MYF5: variants seen among roughly 807,000 people sequenced by gnomAD.
MYF5 encodes class C basic helix-loop-helix protein 2.
A neutral mutation model predicts 22.3 loss-of-function variants in MYF5; 20 were observed. That is an observed-to-expected ratio of 0.90 (90% confidence interval 0.63 to 1.30). The LOEUF (loss-of-function observed/expected upper bound fraction) is 1.30. Ranked by LOEUF, MYF5 falls within the 50% of genes most tolerant of loss-of-function variation. MYF5 has a pLI of 0.00. For synonymous variants in MYF5, 141 were observed against 128.4 expected, an observed-to-expected ratio of 1.10 and a Z score of -0.66; for missense variants, 348 against 325.9, an observed-to-expected ratio of 1.07 and a Z score of -0.52.
At chr12:80,718,056 C>A (rs1404200202) in intron 1 of MYF5, among the ~76,000 whole-genome samples, 4 of 152,170 alleles carry the variant, frequency 2.6e-5, no homozygotes, top group African/African-American at 9.7e-5. Flanking sequence ...GGAAAGTGTT[C>A]TTTCCCTGAA....
rs371077521 is a variant in MYF5 at position 80,717,503 on chromosome 12, G to A, written c.440G>A (p.Ser147Asn). The A allele has an allele frequency of 2.5e-6, 4 of 1,613,980 alleles. No homozygotes were observed. The African/African-American group carries it at 4.0e-5, about 16-fold the overall frequency. The change falls in exon 1 of 3, where the codon AGC becomes AAC. Residue 147 changes from serine (S) to asparagine (N), a missense_variant. Transcript: ENST00000228644. ...LLREQVENYY[S>N]LPGQSCSEPT... ...AGAGAGCAGGTGGAGAACTACTATAGCCTGCCGGGACAGAGCTGCTCGGAG... is the reference window on the plus strand; with the variant it reads ...AGAGAGCAGGTGGAGAACTACTATAACCTGCCGGGACAGAGCTGCTCGGAG...
chr12:80,718,217 T>G (rs1398134890), intron 1 of MYF5, 141 bp from the exon 2 acceptor site: 2 of 742,304 alleles, frequency 2.7e-6, no homozygotes, highest in Non-Finnish European at 4.9e-6. Flanking sequence ...TGGAGAGGGC[T>G]AGCCCTTCCT....
Position 80,718,447 on chromosome 12 carries a change from A to T in MYF5, c.577+14A>T. The T allele has an allele frequency of 6.3e-7, 1 of 1,592,510 alleles. No homozygotes were observed. Reference sequence around the variant, plus strand: ...ATGTATCAAATGGTAAGAATTGATAACTTCACAGGAGTTTAAAGACCAGTT... The same window carrying T: ...ATGTATCAAATGGTAAGAATTGATATCTTCACAGGAGTTTAAAGACCAGTT... On this transcript the variant is annotated intron_variant, in intron 2 of 2. Transcript: ENST00000228644.
chr12:80,717,212 A>G lies in MYF5; in HGVS notation c.149A>G (p.Asp50Gly). ...GAHKAELQGS[D>G]EDEHVRAPTG... ...CACAAAGCAGAGCTGCAGGGCTCAG[A>G]TGAGGACGAGCACGTGCGAGCGCCT... is the stretch of plus-strand genomic sequence containing the variant. The change falls in exon 1 of 3, where the codon GAT becomes GGT. Residue 50 changes from aspartate to glycine, a missense_variant. By Grantham distance (94) the Asp-to-Gly change is moderately conservative. Transcript: ENST00000228644. 6.2e-7 allele frequency: 1 copy of G among 1,614,068 alleles called. No homozygotes were observed. The highest frequency in any genetic ancestry group is 8.5e-7 in the Non-Finnish European group (1 of 1,180,020).
chr12:80,718,774 G>A, intron 2 of MYF5, 87 bp from the exon 3 acceptor site: 1 of 1,166,212 alleles, frequency 8.6e-7, no homozygotes, highest in Non-Finnish European at 1.2e-6. Flanking sequence ...TGTCAGAGGA[G>A]CTGACCTACA....
intron 2 of MYF5, among the ~76,000 whole-genome samples, 185 bp downstream of exon 2, chr12:80,718,618 C>T (rs1429310509): frequency 2.6e-5 from 4 of 152,128 alleles, no homozygotes; most frequent in Non-Finnish European, 5.9e-5. Context: ...GACACGCACG[C>T]ACACATGCAT....
At position 80,716,979 on chromosome 12, in the gene MYF5, T is replaced by C; in HGVS notation, c.-85T>C. 6.7e-7 allele frequency: 1 copy of C among 1,499,934 alleles called. No homozygotes were observed. Among genetic ancestry groups the C allele is most frequent in the East Asian group, 2.3e-5 (1 of 43,988 alleles). 92.9% of individuals were successfully genotyped at this position (1,499,934 alleles called of 1,614,324 possible). On this transcript the variant is annotated 5_prime_UTR_variant, in exon 1 of 3. Coordinates refer to ENST00000228644, the MANE Select transcript of MYF5 (RefSeq NM_005593.3). The stretch of plus-strand genomic sequence containing the variant: ...ACAGACTAGGGAGCTCCGCCCGGGA[T>C]TTGCCCATCGGCGGAGGCGCCAGGC...
chr12:80,718,553 G>C, intron 2 of MYF5, 120 bp downstream of exon 2: 1 of 953,602 alleles, frequency 1.0e-6, no homozygotes, highest in Non-Finnish European at 1.6e-6. Context: ...GGTTCTTATA[G>C]GGAGGCTTTG....
Position 80,717,194 on chromosome 12 carries a change from C to T in MYF5, c.131C>T (p.Ala44Val). The T allele has an allele frequency of 6.2e-7, 1 of 1,614,082 alleles. No individual in the cohort carries two copies. The highest frequency in any genetic ancestry group is 8.5e-7 in the Non-Finnish European group (1 of 1,180,036). Residue 44 changes from alanine to valine, a missense_variant, in exon 1 of 3, where the codon GCA (alanine) becomes GTA (valine). Transcript: ENST00000228644. ...PRVAAFGAHK[A>V]ELQGSDEDEH... ...GTGGCTGCCTTCGGAGCGCACAAAG[C>T]AGAGCTGCAGGGCTCAGATGAGGAC...
rs1302887315 is a variant in MYF5, at chr12:80,717,321, G to A, written c.258G>A (p.Lys86=). The A allele has an allele frequency of 5.0e-6, 8 of 1,614,028 alleles. No homozygotes were observed. Among genetic ancestry groups the A allele is most frequent in the African/African-American group, 2.7e-5 (2 of 75,008 alleles). The change falls in exon 1 of 3, where the codon AAG becomes AAA. Residue 86 remains lysine, a synonymous_variant. Coordinates refer to ENST00000228644, the MANE Select transcript of MYF5 (RefSeq NM_005593.3). ...KRKSTTMDRR[K]AATMRERRRL... is the part of the protein sequence containing the mutation. ...AGTCCACCACCATGGATCGGCGGAA[G>A]GCAGCCACTATGCGCGAGCGGAGGC...
At position 80,718,411 on chromosome 12, in the gene MYF5, C is replaced by T. The variant is rs761744899; in HGVS notation, c.555C>T (p.Ile185=). The stretch of plus-strand genomic sequence containing the variant: ...GAAAGAGCAGTACTTTTGACAGCAT[C>T]TACTGTCCTGATGTATCAAATGGTA... The part of the protein sequence containing the change: ...WSRKSSTFDS[I]YCPDVSNVYA... The change falls in exon 2 of 3, where the codon ATC becomes ATT. Residue 185 remains isoleucine, a synonymous_variant. Coordinates refer to ENST00000228644, the MANE Select transcript of MYF5 (RefSeq NM_005593.3). The T allele has an allele frequency of 6.2e-7, 1 of 1,613,490 alleles. No homozygotes were observed. Among genetic ancestry groups the T allele is most frequent in the Admixed American group, 1.7e-5 (1 of 60,032 alleles).
rs757359731 is a variant in MYF5 at position 80,717,242 on chromosome 12, G to A, written c.179G>A (p.Gly60Asp). 2 of 1,614,072 alleles carry A rather than the reference G, an allele frequency of 1.2e-6. No homozygotes were observed. Among genetic ancestry groups the A allele is most frequent in the Middle Eastern group, 1.6e-4 (1 of 6,062 alleles). The change falls in exon 1 of 3, where the codon GGC becomes GAC. Residue 60 changes from glycine to aspartate, a missense_variant. Physicochemically the swap from Gly to Asp is moderately conservative, Grantham distance 94. Coordinates refer to ENST00000228644, the MANE Select transcript of MYF5 (RefSeq NM_005593.3). The part of the protein sequence containing the change: ...DEDEHVRAPT[G>D]HHQAGHCLMW... ...GACGAGCACGTGCGAGCGCCTACCGGCCACCACCAGGCTGGTCACTGCCTC... is the reference window on the plus strand; with the variant it reads ...GACGAGCACGTGCGAGCGCCTACCGACCACCACCAGGCTGGTCACTGCCTC...
In MYF5 at chr12:80,717,287, G is replaced by C. The variant is rs1178437232; in HGVS notation, c.224G>C (p.Cys75Ser). The change falls in exon 1 of 3, where the codon TGC becomes TCC. Residue 75 changes from cysteine to serine, a missense_variant. Transcript: ENST00000228644. ...GHCLMWACKACKRKSTTMDRR... is the reference protein window; with the variant it reads ...GHCLMWACKASKRKSTTMDRR... ...TGCCTCATGTGGGCCTGCAAAGCCT[G>C]CAAGAGGAAGTCCACCACCATGGAT... 6.2e-7 allele frequency: 1 copy of C among 1,614,136 alleles called. No individual in the cohort carries two copies. Among genetic ancestry groups the C allele is most frequent in the South Asian group, 1.1e-5 (1 of 91,082 alleles).
In MYF5 at chr12:80,718,859, A is replaced by C; in HGVS notation, c.578-2A>C. 1 of 1,607,422 alleles carries C rather than the reference A, an allele frequency of 6.2e-7. No homozygotes were observed. The highest frequency in any genetic ancestry group is 8.5e-7 in the Non-Finnish European group (1 of 1,174,650). Reference sequence around the variant, plus strand: ...TTAATGCTTTTCTCCTTGTATCCTTAGTATATGCCACAGATAAAAACTCCT... The same window carrying C: ...TTAATGCTTTTCTCCTTGTATCCTTCGTATATGCCACAGATAAAAACTCCT... On this transcript the variant is annotated splice_acceptor_variant, in intron 2 of 2. Coordinates refer to ENST00000228644, the MANE Select transcript of MYF5 (RefSeq NM_005593.3). LOFTEE classifies it high-confidence loss of function.
rs1312611559 is a variant in MYF5, at chr12:80,719,307, G to A, written c.*256G>A. ...GTTCCAGTAATACTATTTCTGATAG[G>A]GGGCCATTGATTGAGGGTAGCTTGT... On this transcript the variant is annotated 3_prime_UTR_variant, in exon 3 of 3. Transcript: ENST00000228644. 6 of 224,108 alleles carry A rather than the reference G, an allele frequency of 2.7e-5. No individual in the cohort carries two copies. Among genetic ancestry groups the A allele is most frequent in the East Asian group, 2.0e-4 (2 of 9,782 alleles). 13.9% of individuals were successfully genotyped at this position (224,108 alleles called of 1,614,324 possible).
At chr12:80,718,513 T>G in intron 2 of MYF5, 80 bp downstream of exon 2, 1 of 1,248,350 alleles carries the variant, frequency 8.0e-7, no homozygotes, top group Admixed American at 1.7e-5. Flanking sequence ...TTCTTGCTGA[T>G]AGTATTGGGG....
rs533956404 is a variant in MYF5, at chr12:80,718,954, TCC to T, written c.672_673del (p.Gln225GlyfsTer22). 15 of 1,614,130 alleles carry T rather than the reference TCC, an allele frequency of 9.3e-6. No homozygotes were observed. In the East Asian group the frequency reaches 2.5e-4, roughly 26 times the overall value. ...TCCTCAGAGCAACCTGGGTTGCCTC[TCC>T]AGGATCTGGCTTCTCTCTCTCCAGT... is the stretch of plus-strand genomic sequence containing the variant. On this transcript the variant is annotated frameshift_variant, in exon 3 of 3. Coordinates refer to ENST00000228644, the MANE Select transcript of MYF5 (RefSeq NM_005593.3). LOFTEE classifies it high-confidence loss of function.
chr12:80,717,639 T>TAA, intron 1 of MYF5, 75 bp downstream of exon 1: 1 of 1,527,282 alleles, frequency 6.5e-7, no homozygotes, highest in Non-Finnish European at 8.8e-7. Context: ...TAACCTGGTG[T>TAA]GGTGGGGAGA....
At position 80,716,948 on chromosome 12, in the gene MYF5, G is replaced by A. The variant is rs1025046615; in HGVS notation, c.-116G>A. On this transcript the variant is annotated 5_prime_UTR_variant, in exon 1 of 3. Transcript: ENST00000228644. ...CAGGCGTCTGCCCTTGTTAATTACC[G>A]GAGCGACAGACTAGGGAGCTCCGCC... 9.3e-6 allele frequency: 12 copies of A among 1,292,210 alleles called. No individual in the cohort carries two copies. In the East Asian group the frequency reaches 1.4e-4, roughly 15 times the overall value. The allele number at this position is 1,292,210 out of a possible 1,614,324, so 80.0% of individuals were successfully genotyped here.
Sources: gnomAD v4.1 joint callset for allele counts (sites outside exome capture counted in the v4.1 genomes callset) on GRCh38, gnomAD v4.1.1 for gene constraint, MANE v1.5 for transcripts, NCBI Gene and HGNC (gene_info 2026-07-23, HGNC 2026-07-21) for gene names.